The following SLC25A48 variants were observed in gnomAD, a reference collection of about 807,000 sequenced individuals.
SLC25A48 encodes CTC-321K16.1.
Under a neutral mutation model 32.2 loss-of-function variants are expected in SLC25A48, and 29 were observed. The ratio of observed to expected loss-of-function variants is 0.90; its 90% CI spans 0.67 to 1.23. The LOEUF (loss-of-function observed/expected upper bound fraction) is 1.23, where lower values mean the gene tolerates loss of function less well. SLC25A48 is among the 50% of genes most tolerant of loss of function. The probability of loss-of-function intolerance (pLI) is 0.00; values close to 1 mark genes in which losing one functional copy is unlikely to be tolerated. For synonymous variants in SLC25A48, 164 were observed against 172.3 expected (o/e 0.95, Z 0.38); for missense variants, 399 against 422.7 (o/e 0.94, Z 0.49).
At chr5:135,790,088 G>C (rs1756985052) in intron 3 of SLC25A48, among the ~76,000 whole-genome samples, 2 of 151,562 alleles carry the variant, frequency 1.3e-5, no homozygotes, top group Non-Finnish European at 2.9e-5. Flanking sequence ...GATATTAGGA[G>C]TAACATCTTT....
chr5:135,666,854 A>G (rs1753536359), intron 3 of SLC25A48, among the ~76,000 whole-genome samples: 1 of 152,118 alleles, frequency 6.6e-6, no homozygotes, highest in Non-Finnish European at 1.5e-5. Context: ...GACTATGGGG[A>G]AAGGCGGGAG....
In SLC25A48 at chr5:135,808,253, T is replaced by C. The variant is rs114891415; in HGVS notation, c.-520-4270T>C. 8.2e-3 allele frequency among the ~76,000 whole-genome samples: 1,231 copies of C among 150,520 alleles called. 8 individuals carry two copies. The highest frequency in any genetic ancestry group is 0.026 in the African/African-American group (1,066 of 41,218). On this transcript the variant is annotated intron_variant, in intron 3 of 10. Transcript: ENST00000646290. The stretch of plus-strand genomic sequence containing the variant: ...ACTGTATTAACACTTGATATTATTA[T>C]AAATATTTTAGATATTTTATTAACA...
chr5:135,758,904 C>G (rs1211125320), intron 3 of SLC25A48, among the ~76,000 whole-genome samples: 5 of 150,392 alleles, frequency 3.3e-5, no homozygotes, highest in African/African-American at 9.7e-5. Flanking sequence ...ATTATCTATG[C>G]TATAAATAAT....
At chr5:135,772,453 C>T (rs577878785) in intron 3 of SLC25A48, among the ~76,000 whole-genome samples, 3 of 151,662 alleles carry the variant, frequency 2.0e-5, no homozygotes, top group Admixed American at 1.3e-4. Context: ...GGGTGTACAG[C>T]CTTCTGTGTT....
intron 3 of SLC25A48, among the ~76,000 whole-genome samples, chr5:135,677,704 G>T (rs1272749554): frequency 6.6e-6 from 1 of 152,090 alleles, no homozygotes; most frequent in South Asian, 2.1e-4. Context: ...TATAAGGCTG[G>T]ACTAGTGGTG....
At chr5:135,788,767 T>G (rs62364676) in intron 3 of SLC25A48, among the ~76,000 whole-genome samples, 38,314 of 142,598 alleles carry the variant, frequency 0.27, 5,091 homozygotes, top group East Asian at 0.45. Flanking sequence ...GTAATATCCG[T>G]GGGTTGGGGA....
intron 7 of SLC25A48, among the ~76,000 whole-genome samples, chr5:135,881,904 A>G (rs1190816111): frequency 6.6e-6 from 1 of 152,182 alleles, no homozygotes; most frequent in East Asian, 1.9e-4. Context: ...ATGTCATGAA[A>G]TCTTCAGCTA....
At chr5:135,705,928 C>T (rs986602418) in intron 3 of SLC25A48, among the ~76,000 whole-genome samples, 6 of 152,164 alleles carry the variant, frequency 3.9e-5, no homozygotes, top group African/African-American at 1.4e-4. Flanking sequence ...GTGAGCTGGC[C>T]TGGCTGGAAC....
intron 3 of SLC25A48, among the ~76,000 whole-genome samples, chr5:135,731,711 A>G (rs943702175): frequency 7.2e-5 from 11 of 152,242 alleles, no homozygotes; most frequent in African/African-American, 2.7e-4. Context: ...AACAGATATT[A>G]AAGGACTAAG....
chr5:135,644,738 G>C (rs1341302904), intron 3 of SLC25A48, among the ~76,000 whole-genome samples: 3 of 152,166 alleles, frequency 2.0e-5, no homozygotes, highest in Non-Finnish European at 4.4e-5. Context: ...CTTTTCCCCA[G>C]AGATTAGAAA....
At chr5:135,627,020 G>C (rs115877544) in intron 1 of SLC25A48, among the ~76,000 whole-genome samples, 1,659 of 152,248 alleles carry the variant, frequency 0.011, 28 homozygotes, top group African/African-American at 0.038. Flanking sequence ...GGAGCCTGGG[G>C]AGAAAGGAGC....
intron 3 of SLC25A48, among the ~76,000 whole-genome samples, chr5:135,755,669 T>C (rs1471885092): frequency 1.3e-5 from 2 of 151,982 alleles, no homozygotes; most frequent in East Asian, 1.9e-4. Context: ...CAACGAACTA[T>C]AGTATTAATT....
chr5:135,802,865 C>T (rs1757367999), intron 3 of SLC25A48: 1 of 151,430 alleles, frequency 6.6e-6, no homozygotes, highest in East Asian at 1.9e-4. Flanking sequence ...CATGTTTGTA[C>T]ACCCTGTGAT....
intron 3 of SLC25A48, among the ~76,000 whole-genome samples, chr5:135,691,901 G>T (rs937010949): frequency 3.8e-4 from 58 of 152,206 alleles, no homozygotes; most frequent in African/African-American, 1.4e-3. Context: ...TTGCTCAAGT[G>T]TGGTTGGTGT....
intron 3 of SLC25A48, among the ~76,000 whole-genome samples, chr5:135,688,913 TC>T (rs1234675793): frequency 2.0e-5 from 3 of 152,236 alleles, no homozygotes; most frequent in Admixed American, 2.0e-4. Flanking sequence ...TAGCTATCAT[TC>T]TTTGAATGCT....
intron 3 of SLC25A48, chr5:135,650,303 C>G: frequency 2.5e-6 from 1 of 402,838 alleles, no homozygotes; most frequent in South Asian, 1.8e-5. Flanking sequence ...TTTCTCCTCC[C>G]TTTTCCTTGA....
intron 3 of SLC25A48, among the ~76,000 whole-genome samples, chr5:135,656,562 C>T (rs1275537483): frequency 6.6e-6 from 1 of 152,120 alleles, no homozygotes; most frequent in African/African-American, 2.4e-5. Context: ...GGTATTGTAT[C>T]CCCTCCAAAA....
At chr5:135,720,695 C>T (rs1001398463) in intron 3 of SLC25A48, among the ~76,000 whole-genome samples, 1 of 152,162 alleles carries the variant, frequency 6.6e-6, no homozygotes, top group Non-Finnish European at 1.5e-5. Flanking sequence ...TCCCCCAATC[C>T]ATTGCACGGA....
At chr5:135,809,306 C>T (rs1436518610) in intron 3 of SLC25A48, among the ~76,000 whole-genome samples, 1 of 151,914 alleles carries the variant, frequency 6.6e-6, no homozygotes, top group East Asian at 1.9e-4. Flanking sequence ...CTCTAAAAAC[C>T]AAAAATTGTT....
Sources: gnomAD v4.1 joint callset for allele counts (sites outside exome capture counted in the v4.1 genomes callset) on GRCh38, gnomAD v4.1.1 for gene constraint, MANE v1.5 for transcripts, NCBI Gene and HGNC (gene_info 2026-07-23, HGNC 2026-07-21) for gene names.